Variants in SNX24 observed in about 807,000 individuals in gnomAD.
SNX24 encodes sorting nexin-24.
Under a neutral mutation model 28.7 loss-of-function variants are expected in SNX24, and 22 were observed. That is an observed-to-expected ratio of 0.77 (90% CI 0.55 to 1.10). SNX24 has a LOEUF of 1.10. Ranked by LOEUF, SNX24 falls within the 50% of genes least tolerant of loss-of-function variation. The probability of loss-of-function intolerance (pLI) is 0.00; values close to 1 mark genes in which losing one functional copy is unlikely to be tolerated. For synonymous variants in SNX24, 69 were observed against 71.5 expected (o/e 0.96, Z 0.18); for missense variants, 221 against 201.1 (o/e 1.10, Z -0.60).
chr5:122,855,633 A>T (rs1191795421), intron 1 of SNX24, among the ~76,000 whole-genome samples: 1 of 152,136 alleles, frequency 6.6e-6, no homozygotes, highest in Non-Finnish European at 1.5e-5. Context: ...AATAATTGCA[A>T]TCAACCCTGT....
At position 122,927,369 on chromosome 5, in the gene SNX24, T is replaced by C. The variant is rs571011889; in HGVS notation, c.61-9365T>C. On this transcript the variant is annotated intron_variant, in intron 1 of 6. Coordinates refer to ENST00000261369, the MANE Select transcript of SNX24 (RefSeq NM_014035.4). ...TATCAATATTGTAATTTGTGCATAT[T>C]TGGGACTAAATAGGTTTTTTGTAGG... Among the ~76,000 whole-genome samples, 19 of 144,352 alleles carry C rather than the reference T, an allele frequency of 1.3e-4. 1 individual carries two copies. In the South Asian group the frequency reaches 3.5e-3, roughly 27 times the overall value. 94.7% of individuals were successfully genotyped at this position (144,352 alleles called of 152,430 possible). A position where few individuals can be genotyped will look rare whatever the true frequency, so the allele number is the denominator to read the frequency against.
chr5:122,905,979 A>G (rs775160456), intron 1 of SNX24, among the ~76,000 whole-genome samples: 53 of 152,244 alleles, frequency 3.5e-4, no homozygotes, highest in Non-Finnish European at 6.8e-4. Context: ...TGGAGACAGA[A>G]TAACAGCTAA....
chr5:122,888,324 G>A (rs994423977), intron 1 of SNX24, among the ~76,000 whole-genome samples: 2 of 152,166 alleles, frequency 1.3e-5, no homozygotes, highest in African/African-American at 2.4e-5. Flanking sequence ...GAGGGAGAGA[G>A]TATAGCACAG....
chr5:122,946,027 T>TA, intron 2 of SNX24, 28 bp from the exon 3 acceptor site: 3 of 1,227,546 alleles, frequency 2.4e-6, no homozygotes, highest in Non-Finnish European at 3.4e-6. Flanking sequence ...TTTTTTTTTC[T>TA]TTTTCTTTTC....
intron 1 of SNX24, among the ~76,000 whole-genome samples, chr5:122,897,678 C>T (rs1757263125): frequency 6.6e-6 from 1 of 152,184 alleles, no homozygotes; most frequent in Non-Finnish European, 1.5e-5. Flanking sequence ...GCGCGTTTGC[C>T]AGCTGAGGAC....
At chr5:122,881,642 C>T (rs1039054544) in intron 1 of SNX24, among the ~76,000 whole-genome samples, 1 of 151,948 alleles carries the variant, frequency 6.6e-6, no homozygotes, top group African/African-American at 2.4e-5. Flanking sequence ...CTTCAGATTC[C>T]TCATCTACTG....
rs781377999 is a variant in SNX24 at position 122,845,721 on chromosome 5, C to T, written c.60+28C>T. The T allele has an allele frequency of 1.7e-5, 23 of 1,327,628 alleles. No individual in the cohort carries two copies. The South Asian group carries it at 5.1e-4, about 30-fold the overall frequency. The allele number at this position is 1,327,628 out of a possible 1,614,324, so 82.2% of individuals were successfully genotyped here. A position where few individuals can be genotyped will look rare whatever the true frequency, so the allele number is the denominator to read the frequency against. On this transcript the variant is annotated intron_variant, in intron 1 of 6. Coordinates refer to ENST00000261369, the MANE Select transcript of SNX24 (RefSeq NM_014035.4). ...AGGCGCGGGCCGCGGGCGGACAGGGCCCCGCGAGCCAGGCCTGCGGCTGCT... is the reference window on the plus strand; with the variant it reads ...AGGCGCGGGCCGCGGGCGGACAGGGTCCCGCGAGCCAGGCCTGCGGCTGCT...
intron 3 of SNX24, among the ~76,000 whole-genome samples, chr5:122,988,959 C>T (rs1024210148): frequency 6.6e-6 from 1 of 151,998 alleles, no homozygotes; most frequent in Non-Finnish European, 1.5e-5. Context: ...AGCATATCAA[C>T]GTTATTTTTT....
At chr5:122,892,551 T>C (rs1164610564) in intron 1 of SNX24, among the ~76,000 whole-genome samples, 1 of 151,822 alleles carries the variant, frequency 6.6e-6, no homozygotes, top group Non-Finnish European at 1.5e-5. Context: ...GCAATTCTTG[T>C]TCCTTAGCCT....
At chr5:122,936,268 A>G (rs984608509) in intron 1 of SNX24, among the ~76,000 whole-genome samples, 1 of 152,100 alleles carries the variant, frequency 6.6e-6, no homozygotes, top group Non-Finnish European at 1.5e-5. Context: ...AAAGAAATTA[A>G]CCTAAAATGC....
At chr5:123,026,649 G>A (rs1477446753) in intron 5 of SNX24, among the ~76,000 whole-genome samples, 1 of 152,188 alleles carries the variant, frequency 6.6e-6, no homozygotes, top group Non-Finnish European at 1.5e-5. Context: ...AGCAACTTCA[G>A]GACCCATCAG....
chr5:122,900,981 A>C (rs1581723861), intron 1 of SNX24, among the ~76,000 whole-genome samples: 1 of 152,016 alleles, frequency 6.6e-6, no homozygotes, highest in Admixed American at 6.6e-5. Flanking sequence ...CAGGTGGATC[A>C]CTTGAGGTCA....
At chr5:122,911,648 A>C (rs1403597275) in intron 1 of SNX24, among the ~76,000 whole-genome samples, 3 of 144,128 alleles carry the variant, frequency 2.1e-5, no homozygotes, top group African/African-American at 2.6e-5. Flanking sequence ...ATTTTTGTAT[A>C]AGGTGTAAGG....
Position 123,009,057 on chromosome 5 carries a change from T to C in SNX24, c.*1308T>C. ...CCTGCTGCAAACTTTTAAAATATTA[T>C]GATAGATTCTGTACTACATGTGGGA... On this transcript the variant is annotated 3_prime_UTR_variant, in exon 7 of 7. Transcript: ENST00000261369. The C allele has an allele frequency of 1.0e-6, 1 of 985,408 alleles. No individual in the cohort carries two copies. The highest frequency in any genetic ancestry group is 1.2e-6 in the Non-Finnish European group (1 of 829,488). The allele number at this position is 985,408 out of a possible 1,614,324, so 61.0% of individuals were successfully genotyped here.
intron 3 of SNX24, among the ~76,000 whole-genome samples, chr5:122,990,767 C>T (rs1230115413): frequency 6.6e-6 from 1 of 152,124 alleles, no homozygotes. Context: ...AAATGCCTTA[C>T]CATATTATTT....
At chr5:122,926,886 C>G (rs1267806844) in intron 1 of SNX24, among the ~76,000 whole-genome samples, 1 of 152,172 alleles carries the variant, frequency 6.6e-6, no homozygotes, top group Non-Finnish European at 1.5e-5. Flanking sequence ...ATTACAGGGT[C>G]AACCACCTCT....
chr5:122,941,547 T>C (rs186737550), intron 2 of SNX24, among the ~76,000 whole-genome samples: 13 of 152,344 alleles, frequency 8.5e-5, no homozygotes, highest in East Asian at 3.9e-4. Context: ...TTAGAACTCC[T>C]GTCCATTTAG....
intron 3 of SNX24, among the ~76,000 whole-genome samples, chr5:122,961,905 A>G (rs1308736422): frequency 6.6e-6 from 1 of 152,208 alleles, no homozygotes; most frequent in Non-Finnish European, 1.5e-5. Context: ...ATAATTGGTG[A>G]AAGTATTCAC....
chr5:122,932,191 A>G (rs1428471572), intron 1 of SNX24, among the ~76,000 whole-genome samples: 1 of 152,248 alleles, frequency 6.6e-6, no homozygotes, highest in Non-Finnish European at 1.5e-5. Context: ...GCAAAAATTT[A>G]GTCAAATGAA....
Sources: gnomAD v4.1 joint callset for allele counts (sites outside exome capture counted in the v4.1 genomes callset) on GRCh38, gnomAD v4.1.1 for gene constraint, MANE v1.5 for transcripts, NCBI Gene and HGNC (gene_info 2026-07-23, HGNC 2026-07-21) for gene names.